DLGAP1: variants seen among roughly 807,000 people sequenced by gnomAD.
DLGAP1 encodes the protein disks large-associated protein 1.
A neutral mutation model predicts 90.8 loss-of-function variants in DLGAP1; 11 were observed. The observed-to-expected ratio is 0.12, with a 90% CI of 0.08 to 0.20. DLGAP1 has a LOEUF of 0.20. Among genes scored for constraint, DLGAP1 ranks in the 10% least tolerant of loss-of-function variants. The pLI is 1.00. For synonymous variants in DLGAP1, 558 were observed against 540.7 expected (o/e 1.03, Z -0.44); for missense variants, 1,050 against 1,333.8 (o/e 0.79, Z 3.31).
chr18:4,004,243 A>G, intron 3 of DLGAP1, among the ~76,000 whole-genome samples: 1 of 152,172 alleles, frequency 6.6e-6, no homozygotes, highest in Non-Finnish European at 1.5e-5. Flanking sequence ...AATTGAGGTA[A>G]TTGAAACACA....
chr18:4,396,240 A>G (rs2082437013), intron 1 of DLGAP1, among the ~76,000 whole-genome samples: 1 of 152,204 alleles, frequency 6.6e-6, no homozygotes, highest in African/African-American at 2.4e-5. Context: ...CCACATCCAA[A>G]GGATGTTCAA....
At chr18:4,424,520 G>A (rs957087304) in intron 1 of DLGAP1, among the ~76,000 whole-genome samples, 5 of 152,228 alleles carry the variant, frequency 3.3e-5, no homozygotes, top group South Asian at 2.1e-4. Context: ...AAGCTGGCCA[G>A]TCATTGAGAT....
intron 1 of DLGAP1, among the ~76,000 whole-genome samples, chr18:4,354,799 T>G (rs2081471952): frequency 6.8e-6 from 1 of 146,740 alleles, no homozygotes. Context: ...TTGTTAAATA[T>G]GGGCTGGATT....
chr18:3,856,906 T>C (rs1240159529), intron 4 of DLGAP1, among the ~76,000 whole-genome samples: 1 of 152,068 alleles, frequency 6.6e-6, no homozygotes, highest in Admixed American at 6.5e-5. Flanking sequence ...AGTGTCATGC[T>C]ACATCCATAG....
intron 2 of DLGAP1, among the ~76,000 whole-genome samples, chr18:4,046,273 T>C (rs963153217): frequency 3.3e-5 from 5 of 152,236 alleles, no homozygotes; most frequent in African/African-American, 1.2e-4. Context: ...GATTGCATAA[T>C]AGATTGCAAA....
chr18:4,297,100 GAT>G (rs1193449862), intron 1 of DLGAP1, among the ~76,000 whole-genome samples: 2 of 152,112 alleles, frequency 1.3e-5, no homozygotes, highest in Non-Finnish European at 2.9e-5. Context: ...TTTTATAGTA[GAT>G]GCTATAGAAA....
At chr18:3,520,517 A>G (rs1470901476) in intron 10 of DLGAP1, among the ~76,000 whole-genome samples, 1 of 152,170 alleles carries the variant, frequency 6.6e-6, no homozygotes, top group Non-Finnish European at 1.5e-5. Flanking sequence ...ATTAAATTAC[A>G]ATGAGGTCAT....
intron 1 of DLGAP1, among the ~76,000 whole-genome samples, chr18:4,217,507 C>T (rs775904529): frequency 2.0e-5 from 3 of 152,086 alleles, no homozygotes; most frequent in Non-Finnish European, 4.4e-5. Context: ...TCCTGTTTCT[C>T]TGCATCCTTG....
intron 8 of DLGAP1, among the ~76,000 whole-genome samples, chr18:3,574,425 T>G (rs2054987420): frequency 6.6e-6 from 1 of 152,232 alleles, no homozygotes; most frequent in Admixed American, 6.5e-5. Context: ...CTGTCATTTA[T>G]TTCAAAATAA....
At chr18:3,533,965 T>G (rs1305442455) in intron 10 of DLGAP1, among the ~76,000 whole-genome samples, 1 of 152,170 alleles carries the variant, frequency 6.6e-6, no homozygotes, top group Non-Finnish European at 1.5e-5. Flanking sequence ...GTCATGGGCC[T>G]AGAGCTAAGG....
At chr18:3,932,885 C>G (rs1407108807) in intron 3 of DLGAP1, among the ~76,000 whole-genome samples, 1 of 152,168 alleles carries the variant, frequency 6.6e-6, no homozygotes, top group Non-Finnish European at 1.5e-5. Context: ...AGCATGGAAG[C>G]CAGGTAGGAA....
intron 1 of DLGAP1, among the ~76,000 whole-genome samples, chr18:4,385,189 T>C (rs920393213): frequency 1.3e-5 from 2 of 152,204 alleles, no homozygotes; most frequent in East Asian, 3.8e-4. Flanking sequence ...CTTAGATCAC[T>C]AAATTCCTCT....
chr18:3,648,278 T>C (rs554426404), intron 7 of DLGAP1, among the ~76,000 whole-genome samples: 1 of 152,328 alleles, frequency 6.6e-6, no homozygotes, highest in South Asian at 2.1e-4. Flanking sequence ...ACAAAACCCA[T>C]AACGTATGCT....
chr18:4,256,866 T>C (rs2078897361), intron 1 of DLGAP1, among the ~76,000 whole-genome samples: 1 of 152,078 alleles, frequency 6.6e-6, no homozygotes, highest in Admixed American at 6.5e-5. Flanking sequence ...AATGTGACAT[T>C]ACCAAGAAGA....
intron 1 of DLGAP1, among the ~76,000 whole-genome samples, chr18:4,428,901 G>C (rs990231774): frequency 3.3e-5 from 5 of 152,112 alleles, no homozygotes; most frequent in African/African-American, 1.2e-4. Flanking sequence ...TAGAAAATGA[G>C]CCTTAACAAA....
intron 4 of DLGAP1, among the ~76,000 whole-genome samples, chr18:3,834,379 T>C (rs960302937): frequency 1.2e-4 from 17 of 145,416 alleles, no homozygotes; most frequent in Non-Finnish European, 2.3e-4. Flanking sequence ...AAAAGCAAAA[T>C]GCATGGTAGT....
intron 7 of DLGAP1, among the ~76,000 whole-genome samples, chr18:3,672,407 ATC>A (rs955679336): frequency 9.3e-5 from 14 of 151,180 alleles, no homozygotes; most frequent in South Asian, 2.1e-4. Flanking sequence ...GAGAAACGTC[ATC>A]TCTACTAAAA....
chr18:3,907,880 G>A (rs2071945724), intron 3 of DLGAP1, among the ~76,000 whole-genome samples: 1 of 152,184 alleles, frequency 6.6e-6, no homozygotes, highest in Non-Finnish European at 1.5e-5. Context: ...CAGCAGGATG[G>A]AAGAATATTC....
intron 7 of DLGAP1, among the ~76,000 whole-genome samples, chr18:3,664,617 T>G (rs1405016718): frequency 6.6e-6 from 1 of 152,176 alleles, no homozygotes; most frequent in East Asian, 1.9e-4. Flanking sequence ...GCCTCTAGAT[T>G]AGTCCCTTTG....
Sources: allele counts gnomAD v4.1 joint callset (sites outside exome capture counted in the v4.1 genomes callset), GRCh38; gene constraint gnomAD v4.1.1; transcripts MANE v1.5; gene names NCBI Gene and HGNC (gene_info 2026-07-23, HGNC 2026-07-21).